SMURF1: variants seen among roughly 807,000 people sequenced by gnomAD.
SMURF1 encodes SMAD specific E3 ubiquitin protein ligase 1.
A neutral mutation model predicts 98.0 loss-of-function variants in SMURF1; 44 were observed. The ratio of observed to expected loss-of-function variants is 0.45; its 90% CI spans 0.35 to 0.58. SMURF1 has a LOEUF of 0.58. Among genes scored for constraint, SMURF1 ranks in the 20% least tolerant of loss-of-function variants. The probability of loss-of-function intolerance (pLI) is 0.00; values close to 1 mark genes in which losing one functional copy is unlikely to be tolerated. For missense variants in SMURF1, 687 were observed against 938.4 expected, an observed-to-expected ratio of 0.73 and a Z score of 3.50; for synonymous variants, 396 against 374.9, an observed-to-expected ratio of 1.06 and a Z score of -0.65.
intron 16 of SMURF1, among the ~76,000 whole-genome samples, chr7:99,033,673 T>G (rs1795007857): frequency 6.6e-6 from 1 of 152,144 alleles, no homozygotes; most frequent in Non-Finnish European, 1.5e-5. Flanking sequence ...CCCCCTAAAG[T>G]GCACCCTGAC....
rs1042966298 is a variant in SMURF1, at chr7:99,043,011, A to G, written c.1257-779T>C. Reference sequence around the variant, plus strand: ...AGAGATGAGACTCCGAATCCTATAAAGTCTCTTTTTACTACAAAGGCAACA... The same window carrying G: ...AGAGATGAGACTCCGAATCCTATAAGGTCTCTTTTTACTACAAAGGCAACA... On this transcript the variant is annotated intron_variant, in intron 11 of 17. Coordinates refer to ENST00000361368, the MANE Select transcript of SMURF1 (RefSeq NM_181349.3). 2.6e-4 allele frequency among the ~76,000 whole-genome samples: 40 copies of G among 152,356 alleles called. 1 individual carries two copies. The highest frequency in any genetic ancestry group is 2.8e-4 in the Non-Finnish European group (19 of 68,032).
intron 1 of SMURF1, among the ~76,000 whole-genome samples, chr7:99,134,923 T>C (rs576628796): frequency 3.2e-4 from 49 of 152,160 alleles, no homozygotes; most frequent in African/African-American, 1.2e-3. Context: ...AGAACAAGCT[T>C]TTTGGGGGGT....
chr7:99,070,616 T>C (rs1049733682), intron 1 of SMURF1, among the ~76,000 whole-genome samples: 1 of 152,066 alleles, frequency 6.6e-6, no homozygotes, highest in Admixed American at 6.6e-5. Context: ...CAGTTGACTT[T>C]AAACATATTT....
At chr7:99,120,451 T>A (rs866899293) in intron 1 of SMURF1, among the ~76,000 whole-genome samples, 61 of 152,182 alleles carry the variant, frequency 4.0e-4, no homozygotes, top group African/African-American at 1.2e-3. Context: ...CCACACTCCC[T>A]CAGAGTCGTG....
intron 1 of SMURF1, among the ~76,000 whole-genome samples, chr7:99,064,442 A>G (rs1796138687): frequency 2.0e-5 from 3 of 152,176 alleles, no homozygotes; most frequent in Admixed American, 2.0e-4. Flanking sequence ...TTACTAATCC[A>G]ATCTCTTTAC....
chr7:99,050,005 G>C (rs535240103), intron 8 of SMURF1: 2 of 254,410 alleles, frequency 7.9e-6, no homozygotes, highest in East Asian at 7.8e-5. Flanking sequence ...TCAGGAATTC[G>C]AGACCAGCCT....
At position 99,052,347 on chromosome 7, in the gene SMURF1, C is replaced by A. The variant is rs1375343093; in HGVS notation, c.579G>T (p.Gly193=). Residue 193 remains glycine (G), a synonymous_variant, in exon 7 of 18, where the codon GGG becomes GGT. Coordinates refer to ENST00000361368, the MANE Select transcript of SMURF1 (RefSeq NM_181349.3). ...TTGGGGACTCCACGAACCTGCAATT[C>A]CCTCCTCCAGCAGCAGCACCGGTGC... ...TDSTGAAAGG[G]NCRFVESPSQ... is the part of the protein sequence containing the mutation. 6.2e-7 allele frequency: 1 copy of A among 1,612,610 alleles called. No individual in the cohort carries two copies. The highest frequency in any genetic ancestry group is 1.1e-5 in the South Asian group (1 of 90,434).
intron 1 of SMURF1, among the ~76,000 whole-genome samples, chr7:99,084,592 C>T (rs1365080884): frequency 6.6e-6 from 1 of 152,124 alleles, no homozygotes; most frequent in East Asian, 1.9e-4. Flanking sequence ...GAATATATGG[C>T]CAGGATAGTC....
intron 1 of SMURF1, chr7:99,120,779 A>G (rs550649778): frequency 6.6e-6 from 1 of 151,710 alleles, no homozygotes; most frequent in African/African-American, 2.4e-5. Flanking sequence ...TAGGGAACCC[A>G]CATGCAGAGC....
At chr7:99,039,623 C>T (rs1795296631) in intron 13 of SMURF1, among the ~76,000 whole-genome samples, 1 of 152,104 alleles carries the variant, frequency 6.6e-6, no homozygotes, top group Non-Finnish European at 1.5e-5. Context: ...CCACCTCGGC[C>T]CCACAAAGTG....
At chr7:99,067,044 G>A (rs1796212371) in intron 1 of SMURF1, among the ~76,000 whole-genome samples, 1 of 147,502 alleles carries the variant, frequency 6.8e-6, no homozygotes, top group Admixed American at 6.9e-5. Flanking sequence ...CACCCAGACT[G>A]GAGTGCAGTG....
chr7:99,113,304 G>T (rs1318227042), intron 1 of SMURF1, among the ~76,000 whole-genome samples: 1 of 152,076 alleles, frequency 6.6e-6, no homozygotes, highest in Non-Finnish European at 1.5e-5. Flanking sequence ...CATGTAGAAG[G>T]CATCCTCAAT....
intron 1 of SMURF1, among the ~76,000 whole-genome samples, chr7:99,072,020 G>A (rs546713459): frequency 4.6e-5 from 7 of 152,108 alleles, no homozygotes; most frequent in South Asian, 2.1e-4. Flanking sequence ...TCAAGGCTGC[G>A]GTAAGCTATG....
chr7:99,080,746 A>G (rs556505597), intron 1 of SMURF1, among the ~76,000 whole-genome samples: 2 of 152,346 alleles, frequency 1.3e-5, no homozygotes, highest in South Asian at 4.1e-4. Flanking sequence ...TGAAACCAGG[A>G]AACTACAACA....
chr7:99,034,128 C>T (rs1380816652), intron 16 of SMURF1, among the ~76,000 whole-genome samples: 3 of 152,184 alleles, frequency 2.0e-5, no homozygotes, highest in Non-Finnish European at 4.4e-5. Flanking sequence ...TCACAGGCCA[C>T]ACCCTCCAAG....
intron 16 of SMURF1, among the ~76,000 whole-genome samples, chr7:99,034,956 G>A (rs1331715954): frequency 5.3e-5 from 8 of 152,188 alleles, no homozygotes; most frequent in Non-Finnish European, 1.2e-4. Context: ...ACTCCTTCCA[G>A]CAACGTACCC....
At chr7:99,116,894 G>A (rs1797468525) in intron 1 of SMURF1, among the ~76,000 whole-genome samples, 1 of 152,074 alleles carries the variant, frequency 6.6e-6, no homozygotes. Context: ...TAGCAAAAAC[G>A]ATCTGGAAAA....
At chr7:99,130,294 A>C (rs556290547) in intron 1 of SMURF1, among the ~76,000 whole-genome samples, 1 of 152,294 alleles carries the variant, frequency 6.6e-6, no homozygotes, top group African/African-American at 2.4e-5. Context: ...TCTACTAAAA[A>C]TACAAAAAAT....
chr7:99,040,289 A>C, intron 13 of SMURF1, 89 bp downstream of exon 13: 1 of 1,260,852 alleles, frequency 7.9e-7, no homozygotes. Flanking sequence ...CAAAATACAC[A>C]CACACGCGCG....
Sources: allele counts gnomAD v4.1 joint callset (sites outside exome capture counted in the v4.1 genomes callset), GRCh38; gene constraint gnomAD v4.1.1; transcripts MANE v1.5; gene names NCBI Gene and HGNC (gene_info 2026-07-23, HGNC 2026-07-21).